Variants in TGFBR1 observed in about 807,000 individuals in gnomAD.
The protein encoded by TGFBR1 is transforming growth factor beta receptor 1.
Under a neutral mutation model 55.1 loss-of-function variants are expected in TGFBR1, and 20 were observed. The observed-to-expected ratio is 0.36, with a 90% CI of 0.26 to 0.53. The LOEUF is 0.53. Among genes scored for constraint, TGFBR1 ranks in the 20% least tolerant of loss-of-function variants. The probability of loss-of-function intolerance (pLI) is 0.91; values close to 1 mark genes in which losing one functional copy is unlikely to be tolerated. For missense variants in TGFBR1, 385 were observed against 617.6 expected (o/e 0.62, Z 3.99); for synonymous variants, 220 against 214.8 (o/e 1.02, Z -0.21).
intron 4 of TGFBR1, among the ~76,000 whole-genome samples, chr9:99,139,830 T>G (rs111984997): frequency 0.014 from 2,080 of 152,326 alleles, 34 homozygotes; most frequent in Non-Finnish European, 0.021. Flanking sequence ...CCCTTCATCT[T>G]TTTTCTCCTC....
At chr9:99,119,470 G>A (rs1826840258) in intron 1 of TGFBR1, among the ~76,000 whole-genome samples, 1 of 152,164 alleles carries the variant, frequency 6.6e-6, no homozygotes, top group African/African-American at 2.4e-5. Context: ...GGGGAGTAGG[G>A]GTGGAAATCA....
intron 4 of TGFBR1, among the ~76,000 whole-genome samples, chr9:99,140,239 A>T (rs1827570179): frequency 6.6e-6 from 1 of 152,174 alleles, no homozygotes; most frequent in Non-Finnish European, 1.5e-5. Context: ...TCACGAGGTC[A>T]AGAGTTCAAG....
intron 1 of TGFBR1, 83 bp from the exon 2 acceptor site, chr9:99,128,772 A>C: frequency 6.5e-7 from 1 of 1,543,636 alleles, no homozygotes; most frequent in South Asian, 1.1e-5. Context: ...AATAGGATCA[A>C]GAATGTATTA....
intron 5 of TGFBR1, among the ~76,000 whole-genome samples, chr9:99,143,968 C>T (rs1025489709): frequency 1.3e-5 from 2 of 152,164 alleles, no homozygotes; most frequent in African/African-American, 4.8e-5. Context: ...TGTTGTAGCA[C>T]GTATGAGTAC....
Position 99,105,358 on chromosome 9 carries a change from T to A in TGFBR1, c.97+56T>A, listed in dbSNP as rs190034323. On this transcript the variant is annotated intron_variant, in intron 1 of 8. Coordinates refer to ENST00000374994, the MANE Select transcript of TGFBR1 (RefSeq NM_004612.4). ...CGGGGCGCGCGGGCCGGACCCGGCC[T>A]CTGGCTCGCTCCTGCTCTTTCTCAA... 4.5e-5 allele frequency: 44 copies of A among 977,232 alleles called. No homozygotes were observed. In the African/African-American group the frequency reaches 7.1e-4, roughly 16 times the overall value. 60.5% of individuals were successfully genotyped at this position (977,232 alleles called of 1,614,324 possible). A position where few individuals can be genotyped will look rare whatever the true frequency, so the allele number is the denominator to read the frequency against.
chr9:99,129,149 A>G lies in TGFBR1; in HGVS notation c.343+49A>G, dbSNP rs2118578317. 4 of 1,592,104 alleles carry G rather than the reference A, an allele frequency of 2.5e-6. No homozygotes were observed. In the East Asian group the frequency reaches 6.7e-5, roughly 27 times the overall value. ...CTAGATACTACAAGAAAAACTCTTC[A>G]TACTCTGTGATTTTAGAACTGGAAG... On this transcript the variant is annotated intron_variant, in intron 2 of 8. Coordinates refer to ENST00000374994, the MANE Select transcript of TGFBR1 (RefSeq NM_004612.4).
rs766657892 is a variant in TGFBR1 at position 99,147,637 on chromosome 9, T to G, written c.1256-17T>G. The G allele has an allele frequency of 9.9e-6, 16 of 1,611,168 alleles. No homozygotes were observed. The highest frequency in any genetic ancestry group is 1.4e-5 in the Non-Finnish European group (16 of 1,178,584). On this transcript the variant is annotated splice_polypyrimidine_tract_variant and intron_variant, in intron 7 of 8. Transcript: ENST00000374994. ...GAATAAATTCATCAAAATTTAATTT[T>G]TTTTAAACTGATACAGGAATTCATG... is the stretch of plus-strand genomic sequence containing the variant.
At chr9:99,109,088 G>T (rs1192899748) in intron 1 of TGFBR1, among the ~76,000 whole-genome samples, 1 of 152,152 alleles carries the variant, frequency 6.6e-6, no homozygotes, top group Non-Finnish European at 1.5e-5. Context: ...GTTGGGATAG[G>T]TGGTTGGCAT....
chr9:99,142,779 C>CT, intron 5 of TGFBR1, 76 bp downstream of exon 5: 1 of 1,554,104 alleles, frequency 6.4e-7, no homozygotes, highest in Non-Finnish European at 8.8e-7. Flanking sequence ...AAGGTGGAGG[C>CT]TGGGCCTGGT....
intron 3 of TGFBR1, among the ~76,000 whole-genome samples, chr9:99,137,407 T>C (rs1244536388): frequency 6.6e-6 from 1 of 152,214 alleles, no homozygotes; most frequent in Non-Finnish European, 1.5e-5. Flanking sequence ...TACCTAAAGC[T>C]CTTCATTGGT....
At chr9:99,125,136 T>C (rs1230592862) in intron 1 of TGFBR1, among the ~76,000 whole-genome samples, 1 of 152,232 alleles carries the variant, frequency 6.6e-6, no homozygotes, top group African/African-American at 2.4e-5. Flanking sequence ...GTATTTTAAC[T>C]TCAGTGATAA....
chr9:99,112,535 A>G (rs1826617533), intron 1 of TGFBR1, among the ~76,000 whole-genome samples: 1 of 152,176 alleles, frequency 6.6e-6, no homozygotes, highest in South Asian at 2.1e-4. Flanking sequence ...TGCTTTGTGA[A>G]AGTGGATGTC....
chr9:99,119,310 T>C (rs1435171846), intron 1 of TGFBR1, among the ~76,000 whole-genome samples: 1 of 152,184 alleles, frequency 6.6e-6, no homozygotes, highest in African/African-American at 2.4e-5. Flanking sequence ...TTGTATGTCA[T>C]TCCCCTAGCC....
intron 1 of TGFBR1, among the ~76,000 whole-genome samples, chr9:99,111,332 A>G (rs1439694244): frequency 9.5e-6 from 1 of 105,470 alleles, no homozygotes; most frequent in Non-Finnish European, 1.8e-5. Flanking sequence ...TTTTGAGTAT[A>G]AAAAACCATT....
intron 3 of TGFBR1, among the ~76,000 whole-genome samples, chr9:99,134,838 A>C (rs1327409432): frequency 8.9e-6 from 1 of 111,914 alleles, no homozygotes; most frequent in East Asian, 2.5e-4. Context: ...ATATATATAT[A>C]TATATATATA....
At chr9:99,125,371 A>G (rs1032368006) in intron 1 of TGFBR1, among the ~76,000 whole-genome samples, 3 of 152,258 alleles carry the variant, frequency 2.0e-5, no homozygotes, top group African/African-American at 4.8e-5. Context: ...TCTTCATTAA[A>G]TGATTTTCTA....
chr9:99,124,236 TTTTAATTATCTG>T (rs1432384389), intron 1 of TGFBR1, among the ~76,000 whole-genome samples: 1 of 152,140 alleles, frequency 6.6e-6, no homozygotes, highest in Admixed American at 6.6e-5. Context: ...GGACTCAGGA[TTTTAATTATCTG>T]TTTAATGCCT....
intron 1 of TGFBR1, among the ~76,000 whole-genome samples, chr9:99,114,116 A>C (rs1826662134): frequency 6.6e-6 from 1 of 152,210 alleles, no homozygotes; most frequent in South Asian, 2.1e-4. Context: ...TTATACGAGA[A>C]AAGTTAGTTT....
At position 99,149,471 on chromosome 9, in the gene TGFBR1, C is replaced by G. The variant is rs1827914529; in HGVS notation, c.*166C>G. ...AAACTTCCCAGGATTTCTTTGGACC[C>G]AGGAAACAGCCATGTGGGTCCTTTC... On this transcript the variant is annotated 3_prime_UTR_variant, in exon 9 of 9. Transcript: ENST00000374994. The G allele has an allele frequency of 1.1e-6, 1 of 892,930 alleles. No individual in the cohort carries two copies. The highest frequency in any genetic ancestry group is 1.7e-6 in the Non-Finnish European group (1 of 576,212). 55.3% of individuals were successfully genotyped at this position (892,930 alleles called of 1,614,324 possible).
Sources: allele counts gnomAD v4.1 joint callset (sites outside exome capture counted in the v4.1 genomes callset), GRCh38; gene constraint gnomAD v4.1.1; transcripts MANE v1.5; gene names NCBI Gene and HGNC (gene_info 2026-07-23, HGNC 2026-07-21).